The following LIPC variants were observed in gnomAD, a reference collection of about 807,000 sequenced individuals.
LIPC encodes lipase C, hepatic type, also known as hepatic triacylglycerol lipase.
A neutral mutation model predicts 50.7 loss-of-function variants in LIPC; 44 were observed. The ratio of observed to expected loss-of-function variants is 0.87; its 90% CI spans 0.68 to 1.11. The LOEUF (loss-of-function observed/expected upper bound fraction) is 1.11. Ranked by LOEUF, LIPC falls within the 50% of genes most tolerant of loss-of-function variation. LIPC has a pLI of 0.00. For missense variants in LIPC, 697 were observed against 648.2 expected, an observed-to-expected ratio of 1.08 and a Z score of -0.82; for synonymous variants, 271 against 256.4, an observed-to-expected ratio of 1.06 and a Z score of -0.54.
Position 58,548,542 on chromosome 15 carries a change from C to A in LIPC, c.1021C>A (p.Leu341Ile). 1 of 1,595,180 alleles carries A rather than the reference C, an allele frequency of 6.3e-7. No individual in the cohort carries two copies. ...GCGGAGCAAGAGCAAGAGGCTCTTC[C>A]TCGTAACGCGAGCCCAGTCCCCCTT... is the stretch of plus-strand genomic sequence containing the variant. ...EPRSKSKRLFLVTRAQSPFKV... is the reference protein window; with the variant it reads ...EPRSKSKRLFIVTRAQSPFKV... The change falls in exon 6 of 9, where the codon CTC becomes ATC. Residue 341 changes from leucine to isoleucine, a missense_variant. By Grantham distance (5) the Leu-to-Ile change is conservative. Transcript: ENST00000299022.
chr15:58,507,280 C>T (rs1329662172), intron 1 of LIPC, among the ~76,000 whole-genome samples: 4 of 150,956 alleles, frequency 2.6e-5, no homozygotes, highest in Non-Finnish European at 4.4e-5. Context: ...TTTCTTTTTG[C>T]TTTCTCTAAA....
At chr15:58,512,780 G>A (rs1490631571) in intron 1 of LIPC, among the ~76,000 whole-genome samples, 5 of 152,130 alleles carry the variant, frequency 3.3e-5, no homozygotes, top group African/African-American at 1.2e-4. Flanking sequence ...GCGGGGAAAG[G>A]GGATGGAAGG....
At chr15:58,474,017 G>C (rs1187914193) in intron 1 of LIPC, 4 of 152,184 alleles carry the variant, frequency 2.6e-5, no homozygotes, top group Admixed American at 6.5e-5. Context: ...AGCCACATCA[G>C]GTACATGTGC....
At chr15:58,561,941 G>A (rs1285538200) in intron 7 of LIPC, among the ~76,000 whole-genome samples, 1 of 152,110 alleles carries the variant, frequency 6.6e-6, no homozygotes, top group Non-Finnish European at 1.5e-5. Context: ...CCATTCAGAT[G>A]GTTGGAGGGC....
chr15:58,551,423 T>G (rs1893753258), intron 6 of LIPC, among the ~76,000 whole-genome samples: 1 of 152,248 alleles, frequency 6.6e-6, no homozygotes, highest in East Asian at 1.9e-4. Context: ...TAAGTTACTT[T>G]AAATTAAATG....
chr15:58,543,532 A>G (rs1337547334), intron 4 of LIPC, among the ~76,000 whole-genome samples: 1 of 152,032 alleles, frequency 6.6e-6, no homozygotes, highest in African/African-American at 2.4e-5. Context: ...ACTCCTCCTC[A>G]TCCTTCAAGA....
chr15:58,442,901 T>A (rs1893554352), intron 1 of LIPC, among the ~76,000 whole-genome samples: 1 of 152,090 alleles, frequency 6.6e-6, no homozygotes, highest in African/African-American at 2.4e-5. Context: ...TTCAGAGATA[T>A]CTCATTTGGT....
intron 1 of LIPC, among the ~76,000 whole-genome samples, chr15:58,442,073 T>C (rs546985685): frequency 6.6e-6 from 1 of 152,340 alleles, no homozygotes; most frequent in East Asian, 1.9e-4. Context: ...TTGAGGTCTC[T>C]TAATACCTAT....
intron 1 of LIPC, among the ~76,000 whole-genome samples, chr15:58,505,358 G>A (rs73422678): frequency 0.01 from 1,535 of 152,266 alleles, 30 homozygotes; most frequent in African/African-American, 0.036. Flanking sequence ...TAAAAAGTGG[G>A]ATAATAAAAG....
At chr15:58,565,443 A>G in intron 8 of LIPC, 1 of 1,424,042 alleles carries the variant, frequency 7.0e-7, no homozygotes, top group Non-Finnish European at 9.2e-7. Flanking sequence ...AGAAGAAATG[A>G]GGAGAGGGAG....
rs145956203 is a variant in LIPC, at chr15:58,459,339, T to C, written c.88+27219T>C. ...GAGGGGCAAACATTTGCTGGTGACA[T>C]TGTAGTTCTGTCCTTTGCTAAGCTT... On this transcript the variant is annotated intron_variant, in intron 1 of 8. Coordinates refer to ENST00000299022, the MANE Select transcript of LIPC (RefSeq NM_000236.3). 1.2e-4 allele frequency among the ~76,000 whole-genome samples: 18 copies of C among 152,192 alleles called. 1 individual carries two copies. In the East Asian group the frequency reaches 2.9e-3, roughly 24 times the overall value.
At chr15:58,551,399 T>C (rs869615) in intron 6 of LIPC, among the ~76,000 whole-genome samples, 3 of 152,364 alleles carry the variant, frequency 2.0e-5, no homozygotes, top group East Asian at 3.9e-4. Context: ...TATGTGGCTA[T>C]TTAAATCCAA....
intron 1 of LIPC, among the ~76,000 whole-genome samples, chr15:58,440,650 C>G (rs1326515959): frequency 3.3e-5 from 5 of 152,054 alleles, no homozygotes; most frequent in African/African-American, 1.2e-4. Flanking sequence ...TTGGGAGAGG[C>G]GCATAATTTC....
chr15:58,448,152 T>C (rs1893768088), intron 1 of LIPC, among the ~76,000 whole-genome samples: 1 of 152,176 alleles, frequency 6.6e-6, no homozygotes, highest in Non-Finnish European at 1.5e-5. Context: ...CAGCCATAAA[T>C]TAGGGCCCAA....
intron 1 of LIPC, among the ~76,000 whole-genome samples, chr15:58,470,275 T>A (rs1050694713): frequency 6.6e-6 from 1 of 152,166 alleles, no homozygotes; most frequent in Non-Finnish European, 1.5e-5. Flanking sequence ...ATGAGAGATT[T>A]GTTCAGAGAA....
chr15:58,452,966 G>A (rs1159032048), intron 1 of LIPC, among the ~76,000 whole-genome samples: 1 of 152,150 alleles, frequency 6.6e-6, no homozygotes, highest in Non-Finnish European at 1.5e-5. Context: ...CTATCGGTGT[G>A]AGCCCAGCCC....
chr15:58,516,887 C>T (rs1892503215), intron 1 of LIPC, among the ~76,000 whole-genome samples: 1 of 152,148 alleles, frequency 6.6e-6, no homozygotes, highest in African/African-American at 2.4e-5. Flanking sequence ...TAATTTTTGA[C>T]TAGATACCGG....
intron 1 of LIPC, among the ~76,000 whole-genome samples, chr15:58,486,203 T>C (rs137948041): frequency 4.1e-4 from 63 of 152,214 alleles, no homozygotes; most frequent in African/African-American, 1.4e-3. Context: ...CCTCCTCTCT[T>C]ATCTGCCTGG....
chr15:58,507,915 C>G (rs921469468), intron 1 of LIPC, among the ~76,000 whole-genome samples: 20 of 152,102 alleles, frequency 1.3e-4, no homozygotes, highest in African/African-American at 4.6e-4. Flanking sequence ...GACGAGTGGA[C>G]TTGGGGAACT....
Sources: allele counts gnomAD v4.1 joint callset (sites outside exome capture counted in the v4.1 genomes callset), GRCh38; gene constraint gnomAD v4.1.1; transcripts MANE v1.5; gene names NCBI Gene and HGNC (gene_info 2026-07-23, HGNC 2026-07-21).